Variants in MATN3 observed in about 807,000 individuals in gnomAD.
MATN3 encodes matrilin-3.
MATN3 carries 48 observed loss-of-function variants against 45.3 expected under a neutral mutation model. The ratio of observed to expected loss-of-function variants is 1.06; its 90% CI spans 0.84 to 1.35. MATN3 has a LOEUF of 1.35. Among genes scored for constraint, MATN3 ranks in the 40% most tolerant of loss-of-function variants. MATN3 has a pLI of 0.00. For missense variants in MATN3, 599 were observed against 628.0 expected (o/e 0.95, Z 0.49); for synonymous variants, 217 against 245.9 (o/e 0.88, Z 1.10).
At chr2:19,999,486 T>C (rs1203147423) in intron 5 of MATN3, among the ~76,000 whole-genome samples, 1 of 152,054 alleles carries the variant, frequency 6.6e-6, no homozygotes, top group Non-Finnish European at 1.5e-5. Flanking sequence ...CAGTCTCTGC[T>C]TTCATAAGGA....
chr2:20,001,624 C>T (rs1014055735), intron 4 of MATN3, among the ~76,000 whole-genome samples: 6 of 152,128 alleles, frequency 3.9e-5, no homozygotes, highest in African/African-American at 1.2e-4. Context: ...CCAGTTTCTC[C>T]ACTATAAAGT....
Position 20,001,984 on chromosome 2 carries a change from G to T in MATN3, c.1013C>A (p.Thr338Asn), listed in dbSNP as rs775346746. ...ACAAGTTTTCCTGTCTTCATTCAAG[G>T]TATAACCTTCATAGCACTCACAATG... is the stretch of plus-strand genomic sequence containing the variant. ...SYHCECYEGY[T>N]LNEDRKTCSA... The change falls in exon 4 of 8, where the codon ACC becomes AAC. Residue 338 changes from threonine to asparagine, a missense_variant. Transcript: ENST00000407540. 10 of 1,613,234 alleles carry T rather than the reference G, an allele frequency of 6.2e-6. No homozygotes were observed. Among genetic ancestry groups the T allele is most frequent in the Non-Finnish European group, 8.5e-6 (10 of 1,179,556 alleles).
At chr2:19,997,688 T>G (rs1229716746) in intron 5 of MATN3, 1 of 155,496 alleles carries the variant, frequency 6.4e-6, no homozygotes, top group Non-Finnish European at 1.4e-5. Flanking sequence ...AGTTTGATGC[T>G]GCACAAAAAG....
rs1282580512 is a variant in MATN3 at position 20,006,082 on chromosome 2, C to A, written c.452G>T (p.Gly151Val). Residue 151 changes from glycine (G) to valine (V), a missense_variant, in exon 2 of 8, where the codon GGT (glycine) becomes GTT (valine). Transcript: ENST00000407540. The stretch of plus-strand genomic sequence containing the variant: ...GCCTGTTGACAAGGGTGTGATTCGA[C>A]CCACGGCCTGCTTCAGGGACTGCTT... ...TDKQSLKQAV[G>V]RITPLSTGTM... 3 of 1,613,980 alleles carry A rather than the reference C, an allele frequency of 1.9e-6. No individual in the cohort carries two copies. Among genetic ancestry groups the A allele is most frequent in the Non-Finnish European group, 1.7e-6 (2 of 1,179,880 alleles).
chr2:20,006,319 G>A lies in MATN3; in HGVS notation c.224-9C>T. 1 of 1,523,526 alleles carries A rather than the reference G, an allele frequency of 6.6e-7. No individual in the cohort carries two copies. Among genetic ancestry groups the A allele is most frequent in the Non-Finnish European group, 8.8e-7 (1 of 1,136,548 alleles). 94.4% of individuals were successfully genotyped at this position (1,523,526 alleles called of 1,614,324 possible). ...TCTGCTCTTGCAAACACCTGCAAAA[G>A]ACCAAGCAATGATCAGACCACAATT... On this transcript the variant is annotated splice_polypyrimidine_tract_variant and intron_variant, in intron 1 of 7. Transcript: ENST00000407540.
intron 4 of MATN3, 117 bp from the exon 5 acceptor site, chr2:20,000,683 C>A: frequency 1.0e-6 from 1 of 997,816 alleles, no homozygotes; most frequent in Non-Finnish European, 1.4e-6. Context: ...GGAAACTATT[C>A]AAAGCCATTG....
chr2:20,006,455 T>C lies in MATN3; in HGVS notation c.224-145A>G, dbSNP rs570501636. ...CTGCCTGCGACCTTCCCCAAGACCATCGGGGTGTTGAAAGCACCAAGGACT... is the reference window on the plus strand; with the variant it reads ...CTGCCTGCGACCTTCCCCAAGACCACCGGGGTGTTGAAAGCACCAAGGACT... On this transcript the variant is annotated intron_variant, in intron 1 of 7. Transcript: ENST00000407540. 1.1e-4 allele frequency: 68 copies of C among 627,320 alleles called. 3 individuals carry two copies. In the South Asian group the frequency reaches 1.3e-3, roughly 12 times the overall value. The allele number at this position is 627,320 out of a possible 1,614,324, so 38.9% of individuals were successfully genotyped here. A position where few individuals can be genotyped will look rare whatever the true frequency, so the allele number is the denominator to read the frequency against.
intron 1 of MATN3, among the ~76,000 whole-genome samples, chr2:20,009,042 T>C (rs1673167493): frequency 6.6e-6 from 1 of 151,768 alleles, no homozygotes; most frequent in South Asian, 2.1e-4. Context: ...CTGGGCAACA[T>C]AGGGAGACCT....
rs1672820263 is a variant in MATN3 at position 19,994,362 on chromosome 2, A to T, written c.1342T>A (p.Cys448Ser). 1.2e-6 allele frequency: 2 copies of T among 1,613,554 alleles called. No individual in the cohort carries two copies. Among genetic ancestry groups the T allele is most frequent in the Middle Eastern group, 1.6e-4 (1 of 6,084 alleles). ...RLVSTEDACG[C>S]EATLAFQDKV... is the part of the protein sequence containing the mutation. ...TCCTGGAATGCCAGTGTAGCTTCACATCCACAAGCATCTTCAGTGGAAACA... is the reference window on the plus strand; with the variant it reads ...TCCTGGAATGCCAGTGTAGCTTCACTTCCACAAGCATCTTCAGTGGAAACA... The change falls in exon 7 of 8, where the codon TGT becomes AGT. Residue 448 changes from cysteine to serine, a missense_variant. Coordinates refer to ENST00000407540, the MANE Select transcript of MATN3 (RefSeq NM_002381.5).
intron 5 of MATN3, chr2:19,999,215 G>A (rs191290544): frequency 3.4e-4 from 51 of 152,148 alleles, no homozygotes; most frequent in Admixed American, 1.0e-3. Context: ...GGTCTTCAAT[G>A]TTCCTGGCAG....
At chr2:20,001,403 T>C (rs144453098) in intron 4 of MATN3, among the ~76,000 whole-genome samples, 93 of 152,316 alleles carry the variant, frequency 6.1e-4, no homozygotes, top group African/African-American at 2.2e-3. Context: ...ACTTTCACGT[T>C]TCTGAGAAGT....
intron 1 of MATN3, among the ~76,000 whole-genome samples, chr2:20,011,282 G>GT (rs928377802): frequency 6.6e-6 from 1 of 152,268 alleles, no homozygotes; most frequent in Non-Finnish European, 1.5e-5. Flanking sequence ...CAGGACTAGA[G>GT]TAAGATTAAC....
intron 7 of MATN3, 74 bp downstream of exon 7, chr2:19,994,225 C>T (rs1466202337): frequency 1.1e-6 from 1 of 890,318 alleles, no homozygotes; most frequent in African/African-American, 1.7e-5. Flanking sequence ...TGTGGAATGT[C>T]TTAAAGTGTT....
chr2:20,011,825 G>C (rs868418620), intron 1 of MATN3, among the ~76,000 whole-genome samples: 4 of 152,184 alleles, frequency 2.6e-5, no homozygotes, highest in Admixed American at 6.5e-5. Context: ...TGCACTATGA[G>C]CTTTGCTCTG....
chr2:19,994,268 G>A (rs747051251), intron 7 of MATN3, 31 bp downstream of exon 7: 2 of 1,456,764 alleles, frequency 1.4e-6, no homozygotes, highest in Non-Finnish European at 1.9e-6. Context: ...TTGGCTCCAG[G>A]CAGAAGGAGA....
Position 19,997,389 on chromosome 2 carries a change from C to T in MATN3, c.1169-130G>A, listed in dbSNP as rs1672895878. On this transcript the variant is annotated intron_variant, in intron 5 of 7. Transcript: ENST00000407540. ...GAATGTAGTAGTCAGTAGTCAGCAA[C>T]AGGCCCCATGCTGCAGGAGCAAGCC... 4 of 904,310 alleles carry T rather than the reference C, an allele frequency of 4.4e-6. No individual in the cohort carries two copies. In the Admixed American group the frequency reaches 9.1e-5, roughly 20 times the overall value. 56.0% of individuals were successfully genotyped at this position (904,310 alleles called of 1,614,324 possible).
Position 19,995,735 on chromosome 2 carries a change from A to T in MATN3, c.1295-1326T>A, listed in dbSNP as rs939872802. Among the ~76,000 whole-genome samples, 5 of 152,222 alleles carry T rather than the reference A, an allele frequency of 3.3e-5. No homozygotes were observed. The South Asian group carries it at 1.0e-3, about 32-fold the overall frequency. On this transcript the variant is annotated intron_variant, in intron 6 of 7. Transcript: ENST00000407540. This position sits in a 1 kb window ranked among gnomAD's most constrained non-coding sequence, Gnocchi z 4.2. ...TAAGAGTAACTTCCCAGGTCTGAAG[A>T]CTGGTGTATCATCTTCCAATGGAGT...
At chr2:20,001,114 A>G (rs1572383035) in intron 4 of MATN3, among the ~76,000 whole-genome samples, 1 of 152,306 alleles carries the variant, frequency 6.6e-6, no homozygotes, top group African/African-American at 2.4e-5. Context: ...ATCTGAGATA[A>G]TTTCAGATTT....
chr2:20,002,159 T>TAC (rs534707164), intron 3 of MATN3, 79 bp from the exon 4 acceptor site: 7,907 of 718,266 alleles, frequency 0.011, 100 homozygotes, highest in East Asian at 0.034. Context: ...CACTTACAGT[T>TAC]ATACACACAC....
Sources: gnomAD v4.1 joint callset for allele counts (sites outside exome capture counted in the v4.1 genomes callset) on GRCh38, gnomAD v4.1.1 for gene constraint, Gnocchi (gnomAD v3.1) non-coding constraint, MANE v1.5 for transcripts, NCBI Gene and HGNC (gene_info 2026-07-23, HGNC 2026-07-21) for gene names.